Variants in TAC4 observed in about 807,000 individuals in gnomAD.
The protein encoded by TAC4 is tachykinin precursor 4, also known as tachykinin-4.
In TAC4, 17 loss-of-function variants were observed where a neutral mutation model predicts 17.7. The ratio of observed to expected loss-of-function variants is 0.96; its 90% CI spans 0.66 to 1.44. The LOEUF (loss-of-function observed/expected upper bound fraction) is 1.44. Ranked by LOEUF, TAC4 falls within the 40% of genes most tolerant of loss-of-function variation. The probability of loss-of-function intolerance (pLI) is 0.00; values close to 1 mark genes in which losing one functional copy is unlikely to be tolerated. For missense variants in TAC4, 118 were observed against 125.6 expected, an observed-to-expected ratio of 0.94 and a Z score of 0.29; for synonymous variants, 62 against 52.4, an observed-to-expected ratio of 1.18 and a Z score of -0.79.
In TAC4 at chr17:49,838,527, C is replaced by T; in HGVS notation, c.*115G>A. 1 of 1,297,230 alleles carries T rather than the reference C, an allele frequency of 7.7e-7. No homozygotes were observed. Among genetic ancestry groups the T allele is most frequent in the South Asian group, 1.2e-5 (1 of 81,566 alleles). The allele number at this position is 1,297,230 out of a possible 1,614,324, so 80.4% of individuals were successfully genotyped here. A position where few individuals can be genotyped will look rare whatever the true frequency, so the allele number is the denominator to read the frequency against. On this transcript the variant is annotated 3_prime_UTR_variant, in exon 5 of 5. Coordinates refer to ENST00000436235, the MANE Select transcript of TAC4 (RefSeq NM_001077506.2). ...TCAGTGTGGGCCTTGTGTGAAGTGC[C>T]AGCGATGAGGACAGGAGACACAGAG...
intron 2 of TAC4, among the ~76,000 whole-genome samples, chr17:49,843,331 G>A (rs945427884): frequency 3.9e-5 from 6 of 152,188 alleles, no homozygotes; most frequent in Non-Finnish European, 5.9e-5. Context: ...GTGCCTTCAG[G>A]GAACACAGGT....
intron 3 of TAC4, among the ~76,000 whole-genome samples, 153 bp from the exon 4 acceptor site, chr17:49,840,062 C>T (rs112843490): frequency 3.9e-5 from 6 of 152,232 alleles, no homozygotes; most frequent in African/African-American, 2.4e-5. Context: ...TCCCGAGAGG[C>T]GAGGAAACAC....
At chr17:49,839,728 C>A in intron 4 of TAC4, 122 bp downstream of exon 4, 1 of 902,806 alleles carries the variant, frequency 1.1e-6, no homozygotes, top group Non-Finnish European at 1.7e-6. Context: ...TGGGGGCCTC[C>A]CCATGATGGC....
chr17:49,841,460 G>A (rs2074497576), intron 3 of TAC4, 92 bp downstream of exon 3: 3 of 1,360,292 alleles, frequency 2.2e-6, no homozygotes, highest in Admixed American at 2.6e-5. Context: ...CCTGGCCAGA[G>A]CATCTCCCCT....
At chr17:49,842,777 A>G (rs1056585974) in intron 2 of TAC4, among the ~76,000 whole-genome samples, 1 of 152,120 alleles carries the variant, frequency 6.6e-6, no homozygotes, top group Admixed American at 6.5e-5. Flanking sequence ...CACTGTTTAC[A>G]GTTTGATATT....
intron 1 of TAC4, among the ~76,000 whole-genome samples, chr17:49,845,084 C>T (rs1002979224): frequency 1.3e-5 from 2 of 152,178 alleles, no homozygotes; most frequent in Non-Finnish European, 2.9e-5. Flanking sequence ...CCAGTGAACT[C>T]ACGGTGGGTC....
Position 49,838,544 on chromosome 17 carries a change from G to C in TAC4, c.*98C>G, listed in dbSNP as rs993991087. The C allele has an allele frequency of 6.9e-7, 1 of 1,459,716 alleles. No individual in the cohort carries two copies. The highest frequency in any genetic ancestry group is 1.4e-5 in the African/African-American group (1 of 71,740). The allele number at this position is 1,459,716 out of a possible 1,614,324, so 90.4% of individuals were successfully genotyped here. A position where few individuals can be genotyped will look rare whatever the true frequency, so the allele number is the denominator to read the frequency against. ...TGAAGTGCCAGCGATGAGGACAGGA[G>C]ACACAGAGAAGAGAGTTGGCCTGCC... On this transcript the variant is annotated 3_prime_UTR_variant, in exon 5 of 5. Coordinates refer to ENST00000436235, the MANE Select transcript of TAC4 (RefSeq NM_001077506.2).
At chr17:49,847,692 GACACACACACACACACACACACACAC>G (rs150685532) in intron 1 of TAC4, 195 bp downstream of exon 1, 45 of 434,166 alleles carry the variant, frequency 1.0e-4, no homozygotes, top group South Asian at 9.7e-4. Context: ...CACACACACA[GACACACACACACACACACACACACAC>G]ACACACACTT....
intron 1 of TAC4, 38 bp from the exon 2 acceptor site, chr17:49,844,195 T>TGTCCAGCAGACGGGAGGCC: frequency 6.2e-7 from 1 of 1,606,936 alleles, no homozygotes; most frequent in Middle Eastern, 1.7e-4. Context: ...GTTGGGAGGT[T>TGTCCAGCAGACGGGAGGCC]GTCCAGCAGA....
At chr17:49,847,860 C>A in intron 1 of TAC4, 53 bp downstream of exon 1, 2 of 1,613,260 alleles carry the variant, frequency 1.2e-6, no homozygotes, top group Non-Finnish European at 1.7e-6. Context: ...TGCCGATTAT[C>A]CCCTGCCCTC....
chr17:49,846,037 G>A, intron 1 of TAC4: 1 of 309,708 alleles, frequency 3.2e-6, no homozygotes, highest in South Asian at 2.8e-5. Flanking sequence ...GCAAGCTGGA[G>A]AGAATGGCCA....
intron 2 of TAC4, 114 bp downstream of exon 2, chr17:49,843,950 C>G: frequency 1.1e-6 from 1 of 888,920 alleles, no homozygotes; most frequent in South Asian, 1.4e-5. Context: ...GCGACCCCTA[C>G]TGGACTGGAG....
Position 49,841,578 on chromosome 17 carries a change from G to T in TAC4, c.206C>A (p.Pro69His). The change falls in exon 3 of 5, where the codon CCT (proline) becomes CAT (histidine). Residue 69 changes from proline (P) to histidine (H), a missense_variant. Physicochemically the swap from Pro to His is moderately conservative, Grantham distance 77. Transcript: ENST00000436235. ...GLMGKRVGGR[P>H]LIQPRRKKAY... ...TTTTTTTCTCCTTGGCTGGATCAGA[G>T]GTCTTCCTGGGGGAAGGAGAAGGAA... The T allele has an allele frequency of 6.4e-7, 1 of 1,574,672 alleles. No individual in the cohort carries two copies. The highest frequency in any genetic ancestry group is 8.6e-7 in the Non-Finnish European group (1 of 1,161,684).
chr17:49,846,454 G>A (rs1040139486), intron 1 of TAC4, among the ~76,000 whole-genome samples: 1 of 152,024 alleles, frequency 6.6e-6, no homozygotes, highest in Admixed American at 6.6e-5. Context: ...TTTTGTTTAT[G>A]TTTTGTAGAG....
chr17:49,844,637 A>T (rs1278305472), intron 1 of TAC4, among the ~76,000 whole-genome samples: 1 of 152,178 alleles, frequency 6.6e-6, no homozygotes, highest in Non-Finnish European at 1.5e-5. Context: ...AGACACCTGT[A>T]ATCCCAGCTA....
intron 2 of TAC4, 132 bp from the exon 3 acceptor site, chr17:49,841,716 G>T: frequency 1.1e-6 from 1 of 877,118 alleles, no homozygotes; most frequent in Non-Finnish European, 1.6e-6. Flanking sequence ...GTCATCCCCA[G>T]TTATCCTCTG....
intron 4 of TAC4, 109 bp downstream of exon 4, chr17:49,839,741 G>A: frequency 9.6e-7 from 1 of 1,041,240 alleles, no homozygotes; most frequent in Non-Finnish European, 1.4e-6. Context: ...ATGATGGCTT[G>A]TGGGGAGCCT....
rs1419376049 is a variant in TAC4 at position 49,839,849 on chromosome 17, C to T, written c.292+1G>A. 1 of 1,610,574 alleles carries T rather than the reference C, an allele frequency of 6.2e-7. No individual in the cohort carries two copies. The highest frequency in any genetic ancestry group is 1.7e-5 in the Admixed American group (1 of 59,466). ...TGCAACCACCAGCGGCTCTTGCCTA[C>T]CTTCTGTGAACAGGCTTCTCTTGCC... On this transcript the variant is annotated splice_donor_variant, in intron 4 of 4. Transcript: ENST00000436235. LOFTEE classifies it high-confidence loss of function.
At chr17:49,838,711 G>A in intron 4 of TAC4, 38 bp from the exon 5 acceptor site, 1 of 1,605,760 alleles carries the variant, frequency 6.2e-7, no homozygotes, top group African/African-American at 1.3e-5. Flanking sequence ...GGTTAGTCGG[G>A]GGTCTTGTCT....
Sources: allele counts gnomAD v4.1 joint callset (sites outside exome capture counted in the v4.1 genomes callset), GRCh38; gene constraint gnomAD v4.1.1; transcripts MANE v1.5; gene names NCBI Gene and HGNC (gene_info 2026-07-23, HGNC 2026-07-21).